ZNF592: variants seen among roughly 807,000 people sequenced by gnomAD.
ZNF592 encodes the protein zinc finger protein 592.
A neutral mutation model predicts 80.3 loss-of-function variants in ZNF592; 11 were observed. The ratio of observed to expected loss-of-function variants is 0.14; its 90% CI spans 0.09 to 0.23. The LOEUF (loss-of-function observed/expected upper bound fraction) is 0.23. Ranked by LOEUF, ZNF592 falls within the 10% of genes least tolerant of loss-of-function variation. The pLI is 1.00. For synonymous variants in ZNF592, 646 were observed against 640.3 expected (o/e 1.01, Z -0.13); for missense variants, 1,420 against 1,633.9 (o/e 0.87, Z 2.26).
intron 10 of ZNF592, among the ~76,000 whole-genome samples, chr15:84,800,340 A>G (rs1356949482): frequency 6.6e-6 from 1 of 152,172 alleles, no homozygotes; most frequent in Non-Finnish European, 1.5e-5. Context: ...GATGAGGATA[A>G]TGATGTTTGG....
intron 3 of ZNF592, among the ~76,000 whole-genome samples, chr15:84,779,984 G>GTTTTTTTT (rs72491489): frequency 3.0e-5 from 4 of 131,766 alleles, no homozygotes; most frequent in South Asian, 2.5e-4. Context: ...TTCCTAGACA[G>GTTTTTTTT]TTTTGTTTTT....
intron 2 of ZNF592, among the ~76,000 whole-genome samples, chr15:84,772,627 T>C (rs1245682386): frequency 6.6e-6 from 1 of 152,212 alleles, no homozygotes; most frequent in Non-Finnish European, 1.5e-5. Context: ...ATTTAAGCCA[T>C]AGTCAGTCAT....
At chr15:84,754,042 T>C (rs1899090992) in intron 1 of ZNF592, among the ~76,000 whole-genome samples, 2 of 152,186 alleles carry the variant, frequency 1.3e-5, no homozygotes, top group Admixed American at 1.3e-4. Flanking sequence ...TTGCTTTTGT[T>C]TAACAGCAGG....
chr15:84,795,929 G>C (rs140817170), intron 5 of ZNF592, among the ~76,000 whole-genome samples: 21 of 151,984 alleles, frequency 1.4e-4, no homozygotes, highest in African/African-American at 5.1e-4. Context: ...GGATTCTGTG[G>C]GGATTTATGT....
At chr15:84,776,003 C>T (rs1962241647) in intron 2 of ZNF592, among the ~76,000 whole-genome samples, 1 of 152,200 alleles carries the variant, frequency 6.6e-6, no homozygotes, top group South Asian at 2.1e-4. Flanking sequence ...GTTCTTTACC[C>T]CCAAGGGGAC....
At chr15:84,758,040 T>A (rs1242235354) in intron 1 of ZNF592, among the ~76,000 whole-genome samples, 1 of 151,278 alleles carries the variant, frequency 6.6e-6, no homozygotes, top group Non-Finnish European at 1.5e-5. Context: ...TGGCAAGATC[T>A]CGGCTCACTG....
At chr15:84,751,093 C>G (rs899441778) in intron 1 of ZNF592, among the ~76,000 whole-genome samples, 5 of 152,162 alleles carry the variant, frequency 3.3e-5, no homozygotes, top group Non-Finnish European at 7.4e-5. Context: ...CTCAAGCAGT[C>G]TGGGGGAGAT....
intron 2 of ZNF592, among the ~76,000 whole-genome samples, chr15:84,775,661 C>A (rs1341111129): frequency 6.6e-6 from 1 of 152,016 alleles, no homozygotes; most frequent in Non-Finnish European, 1.5e-5. Flanking sequence ...TCAAACTGAC[C>A]TCAAGTGATC....
rs2141985202 is a variant in ZNF592 at position 84,782,977 on chromosome 15, C to T, written c.302C>T (p.Pro101Leu). 3.7e-6 allele frequency: 6 copies of T among 1,614,158 alleles called. No homozygotes were observed. The highest frequency in any genetic ancestry group is 5.1e-6 in the Non-Finnish European group (6 of 1,180,032). The change falls in exon 4 of 11, where the codon CCT (proline) becomes CTT (leucine). Residue 101 changes from proline to leucine, a missense_variant. This residue lies in a region of ZNF592 where 373 missense variants were observed against 355.5 expected (regional missense o/e 1.05). Coordinates refer to ENST00000560079, the MANE Select transcript of ZNF592 (RefSeq NM_014630.3). ...LHNGFRGSDL[P>L]PDPHNCGKFD... is the part of the protein sequence containing the mutation. ...AATGGATTCCGGGGCTCAGATCTGCCTCCAGATCCCCACAACTGTGGGAAA... is the reference window on the plus strand; with the variant it reads ...AATGGATTCCGGGGCTCAGATCTGCTTCCAGATCCCCACAACTGTGGGAAA...
At chr15:84,801,728 C>G in intron 10 of ZNF592, 135 bp from the exon 11 acceptor site, 1 of 1,261,374 alleles carries the variant, frequency 7.9e-7, no homozygotes, top group Admixed American at 2.0e-5. Context: ...ACAAACCAAA[C>G]GTAAACCAGC....
intron 5 of ZNF592, among the ~76,000 whole-genome samples, chr15:84,795,397 T>G (rs1263226160): frequency 2.0e-5 from 3 of 152,268 alleles, no homozygotes; most frequent in African/African-American, 7.2e-5. Context: ...CTCATCAACT[T>G]GTAAACACCA....
At position 84,802,197 on chromosome 15, in the gene ZNF592, A is replaced by G; in HGVS notation, c.3608A>G (p.Glu1203Gly). The stretch of plus-strand genomic sequence containing the variant: ...GCAGTGGAGGTGGCAGAGCCAGAGG[A>G]GGGCTCCGGGGAGGAGGTGCCCATG... ...EMAVEVAEPE[E>G]GSGEEVPMET... Residue 1203 changes from glutamate (E) to glycine (G), a missense_variant, in exon 11 of 11, where the codon GAG becomes GGG. Around this residue, in one of 7 missense-constraint regions of ZNF592, gnomAD observed 145 missense variants for 211.9 expected, o/e 0.68. Coordinates refer to ENST00000560079, the MANE Select transcript of ZNF592 (RefSeq NM_014630.3). The G allele has an allele frequency of 6.2e-7, 1 of 1,601,634 alleles. No homozygotes were observed. Among genetic ancestry groups the G allele is most frequent in the Admixed American group, 1.7e-5 (1 of 59,532 alleles).
rs34466288 is a variant in ZNF592 at position 84,757,339 on chromosome 15, C to CTT, written c.-258-7353_-258-7352dup. On this transcript the variant is annotated intron_variant, in intron 1 of 10. Coordinates refer to ENST00000560079, the MANE Select transcript of ZNF592 (RefSeq NM_014630.3). Reference sequence around the variant, plus strand: ...TTCTTTTCTTTTCTTTCTTTCTTTCCTTTTTTTTTTTTTTTTGAGAGATAG... The same window carrying CTT: ...TTCTTTTCTTTTCTTTCTTTCTTTCCTTTTTTTTTTTTTTTTTTGAGAGATAG... Among the ~76,000 whole-genome samples, 642 of 120,748 alleles carry CTT rather than the reference C, an allele frequency of 5.3e-3. 10 individuals carry two copies. Among genetic ancestry groups the CTT allele is most frequent in the African/African-American group, 0.02 (605 of 30,950 alleles). The allele number at this position is 120,748 out of a possible 152,430, so 79.2% of individuals were successfully genotyped here.
intron 2 of ZNF592, among the ~76,000 whole-genome samples, chr15:84,776,036 C>T (rs1306026893): frequency 6.6e-6 from 1 of 152,220 alleles, no homozygotes; most frequent in African/African-American, 2.4e-5. Flanking sequence ...TACATAATTC[C>T]ACTATCTCAC....
intron 1 of ZNF592, among the ~76,000 whole-genome samples, chr15:84,749,456 T>C (rs558773993): frequency 2.0e-5 from 3 of 152,174 alleles, no homozygotes; most frequent in Admixed American, 2.0e-4. Context: ...TGAAGCTGTT[T>C]AGGGATTTTA....
At chr15:84,757,811 G>A (rs949839144) in intron 1 of ZNF592, among the ~76,000 whole-genome samples, 1 of 146,210 alleles carries the variant, frequency 6.8e-6, no homozygotes, top group Non-Finnish European at 1.5e-5. Flanking sequence ...GGCACACGCT[G>A]CCATGTCTGG....
At position 84,799,158 on chromosome 15, in the gene ZNF592, C is replaced by T. The variant is rs1331151828; in HGVS notation, c.3085C>T (p.Arg1029Cys). 3.1e-6 allele frequency: 5 copies of T among 1,614,022 alleles called. No individual in the cohort carries two copies. Among genetic ancestry groups the T allele is most frequent in the South Asian group, 2.2e-5 (2 of 91,078 alleles). The change falls in exon 9 of 11, where the codon CGC becomes TGC. Residue 1029 changes from arginine to cysteine, a missense_variant. By Grantham distance (180) the Arg-to-Cys change is radical (BLOSUM62 -3). Transcript: ENST00000560079. This position sits in a 1 kb window ranked among gnomAD's most constrained non-coding sequence, Gnocchi z 4.2. ...EQSFHTPNSL[R>C]KHIRNNHDTV... ...GTCCTTCCACACCCCCAACAGCCTGCGCAAACACATCCGCAACAACCATGA... is the reference window on the plus strand; with the variant it reads ...GTCCTTCCACACCCCCAACAGCCTGTGCAAACACATCCGCAACAACCATGA...
intron 1 of ZNF592, among the ~76,000 whole-genome samples, chr15:84,760,442 A>G (rs1454004698): frequency 6.6e-6 from 1 of 152,184 alleles, no homozygotes; most frequent in East Asian, 1.9e-4. Context: ...GAGAATAAGT[A>G]TGACTTTTAT....
chr15:84,787,183 G>A (rs950052453), intron 4 of ZNF592, among the ~76,000 whole-genome samples: 1 of 152,120 alleles, frequency 6.6e-6, no homozygotes, highest in African/African-American at 2.4e-5. Context: ...TGAGTAGGCA[G>A]AGGTCTGGGT....
Sources: allele counts gnomAD v4.1 joint callset (sites outside exome capture counted in the v4.1 genomes callset), GRCh38; gene constraint gnomAD v4.1.1; regional missense constraint gnomAD v4.1.1; non-coding constraint Gnocchi (gnomAD v3.1); transcripts MANE v1.5; gene names NCBI Gene and HGNC (gene_info 2026-07-23, HGNC 2026-07-21).